Variants in FBXL20 observed in about 807,000 individuals in gnomAD.
The protein encoded by FBXL20 is F-box and leucine rich repeat protein 20.
In FBXL20, 11 loss-of-function variants were observed where a neutral mutation model predicts 64.0. The ratio of observed to expected loss-of-function variants is 0.17; its 90% confidence interval spans 0.11 to 0.28. The LOEUF is 0.28. Among genes scored for constraint, FBXL20 ranks in the 10% least tolerant of loss-of-function variants. The pLI is 1.00. For synonymous variants in FBXL20, 184 were observed against 189.0 expected (o/e 0.97, Z 0.22); for missense variants, 303 against 526.2 (o/e 0.58, Z 4.15).
At chr17:39,290,033 A>AT (rs2047024567) in intron 6 of FBXL20, among the ~76,000 whole-genome samples, 1 of 139,322 alleles carries the variant, frequency 7.2e-6, no homozygotes, top group Non-Finnish European at 1.5e-5. Flanking sequence ...AAAAAATTCT[A>AT]TGTTTATTTC....
At chr17:39,318,192 G>C (rs1310039882) in intron 2 of FBXL20, among the ~76,000 whole-genome samples, 4 of 152,094 alleles carry the variant, frequency 2.6e-5, no homozygotes, top group South Asian at 2.1e-4. Flanking sequence ...GTCTACTTTT[G>C]TGTTCGTTGG....
At chr17:39,265,258 G>C in intron 13 of FBXL20, 139 bp downstream of exon 13, 1 of 617,258 alleles carries the variant, frequency 1.6e-6, no homozygotes, top group Non-Finnish European at 2.8e-6. Context: ...GTACTCCTTT[G>C]GTTCTCAGTA....
intron 8 of FBXL20, among the ~76,000 whole-genome samples, chr17:39,282,519 C>T (rs185354767): frequency 2.6e-4 from 40 of 152,306 alleles, no homozygotes; most frequent in Non-Finnish European, 5.1e-4. Flanking sequence ...TTGTCTCCCT[C>T]CTCCTCAAGT....
At chr17:39,362,706 T>C (rs1378446981) in intron 1 of FBXL20, among the ~76,000 whole-genome samples, 1 of 142,820 alleles carries the variant, frequency 7.0e-6, no homozygotes, top group East Asian at 2.2e-4. Context: ...GCAACCTTCA[T>C]CTCGGGTTCA....
intron 2 of FBXL20, among the ~76,000 whole-genome samples, chr17:39,331,936 C>T (rs1363371619): frequency 6.6e-6 from 1 of 152,182 alleles, no homozygotes; most frequent in Non-Finnish European, 1.5e-5. Context: ...AATTTATAAA[C>T]AGCATAAACT....
chr17:39,374,415 A>G (rs2047947528), intron 1 of FBXL20, among the ~76,000 whole-genome samples: 1 of 151,052 alleles, frequency 6.6e-6, no homozygotes, highest in South Asian at 2.1e-4. Flanking sequence ...GGGTACCTGT[A>G]ATGTAATCCC....
At chr17:39,274,252 A>T (rs922459057) in intron 10 of FBXL20, among the ~76,000 whole-genome samples, 1 of 152,156 alleles carries the variant, frequency 6.6e-6, no homozygotes, top group Non-Finnish European at 1.5e-5. Flanking sequence ...GAGAACAAAA[A>T]GTGTAGCCAG....
chr17:39,370,703 G>A (rs1289103668), intron 1 of FBXL20, among the ~76,000 whole-genome samples: 2 of 149,180 alleles, frequency 1.3e-5, no homozygotes, highest in Non-Finnish European at 3.0e-5. Flanking sequence ...GCTGAGGCAG[G>A]AGAATGGCGT....
chr17:39,268,693 A>C, intron 12 of FBXL20, 134 bp downstream of exon 12: 1 of 677,988 alleles, frequency 1.5e-6, no homozygotes. Flanking sequence ...AAGATACCTT[A>C]CTTAATGGGG....
chr17:39,276,259 G>GGGA, intron 9 of FBXL20, among the ~76,000 whole-genome samples: 1 of 143,924 alleles, frequency 6.9e-6, no homozygotes, highest in South Asian at 2.3e-4. Context: ...GGGAAGGGAA[G>GGGA]GGAGGAAGAG....
At chr17:39,322,163 CAAAAAAAAAAAA>C (rs761771926) in intron 2 of FBXL20, among the ~76,000 whole-genome samples, 5 of 52,548 alleles carry the variant, frequency 9.5e-5, no homozygotes, top group African/African-American at 1.1e-4. Flanking sequence ...CTATCTCTAC[CAAAAAAAAAAAA>C]AAAAAAAAAA....
At chr17:39,274,009 G>A (rs879050145) in intron 10 of FBXL20, among the ~76,000 whole-genome samples, 2 of 151,864 alleles carry the variant, frequency 1.3e-5, no homozygotes, top group Non-Finnish European at 1.5e-5. Context: ...GAGTAGCTGG[G>A]ACTACAAGGC....
intron 1 of FBXL20, among the ~76,000 whole-genome samples, chr17:39,353,252 C>T (rs553067182): frequency 2.2e-4 from 33 of 152,236 alleles, no homozygotes; most frequent in African/African-American, 7.7e-4. Flanking sequence ...GGCAGCTAAA[C>T]CTACTAAAAC....
chr17:39,309,320 T>A (rs1259514563), intron 2 of FBXL20, among the ~76,000 whole-genome samples: 1 of 152,208 alleles, frequency 6.6e-6, no homozygotes. Flanking sequence ...GAGTCCTGAA[T>A]TATCTCTAAC....
chr17:39,321,839 C>T (rs573515022), intron 2 of FBXL20, among the ~76,000 whole-genome samples: 2 of 150,670 alleles, frequency 1.3e-5, no homozygotes, highest in South Asian at 2.1e-4. Context: ...CTGAAGTAAG[C>T]GTACTATGAC....
At chr17:39,343,491 G>A (rs1168101385) in intron 1 of FBXL20, among the ~76,000 whole-genome samples, 1 of 152,152 alleles carries the variant, frequency 6.6e-6, no homozygotes, top group South Asian at 2.1e-4. Context: ...TGTTTCAGAT[G>A]TTTTCACATA....
chr17:39,273,747 G>A (rs578183810), intron 10 of FBXL20, among the ~76,000 whole-genome samples: 5 of 151,028 alleles, frequency 3.3e-5, no homozygotes, highest in Non-Finnish European at 1.5e-5. Flanking sequence ...TTGAACCCAG[G>A]AGACGGAGGT....
chr17:39,296,937 T>C (rs1389112754), intron 6 of FBXL20, among the ~76,000 whole-genome samples, 190 bp downstream of exon 6: 1 of 152,218 alleles, frequency 6.6e-6, no homozygotes, highest in African/African-American at 2.4e-5. Flanking sequence ...TTAAATTGTA[T>C]CAAAGATAGA....
At chr17:39,286,618 G>A (rs1432428438) in intron 6 of FBXL20, among the ~76,000 whole-genome samples, 2 of 152,098 alleles carry the variant, frequency 1.3e-5, no homozygotes, top group Non-Finnish European at 2.9e-5. Flanking sequence ...GACCAACATT[G>A]TGAAACCCTG....
Sources: gnomAD v4.1 joint callset for allele counts (sites outside exome capture counted in the v4.1 genomes callset) on GRCh38, gnomAD v4.1.1 for gene constraint, MANE v1.5 for transcripts, NCBI Gene and HGNC (gene_info 2026-07-23, HGNC 2026-07-21) for gene names.